Variants in NOL11 observed in about 807,000 individuals in gnomAD.
NOL11 encodes nucleolar protein 11.
Under a neutral mutation model 93.0 loss-of-function variants are expected in NOL11, and 42 were observed. The ratio of observed to expected loss-of-function variants is 0.45; its 90% confidence interval spans 0.35 to 0.58. The LOEUF is 0.58. Among genes scored for constraint, NOL11 ranks in the 20% least tolerant of loss-of-function variants. The pLI, the probability that NOL11 is intolerant of heterozygous loss-of-function variation, is 0.00. For missense variants in NOL11, 775 were observed against 841.8 expected, an observed-to-expected ratio of 0.92 and a Z score of 0.98; for synonymous variants, 296 against 293.7, an observed-to-expected ratio of 1.01 and a Z score of -0.08.
At chr17:67,721,242 C>A in intron 3 of NOL11, 136 bp from the exon 4 acceptor site, 1 of 535,726 alleles carries the variant, frequency 1.9e-6, no homozygotes, top group Non-Finnish European at 3.1e-6. Context: ...GATTTTGGAA[C>A]CATACATAAT....
At chr17:67,726,770 A>G in intron 7 of NOL11, 122 bp downstream of exon 7, 1 of 728,136 alleles carries the variant, frequency 1.4e-6, no homozygotes, top group Non-Finnish European at 2.0e-6. Context: ...TTATCAGCAT[A>G]CTCAATTTTT....
At chr17:67,733,596 A>G (rs1281719970) in intron 7 of NOL11, among the ~76,000 whole-genome samples, 2 of 152,140 alleles carry the variant, frequency 1.3e-5, no homozygotes, top group Non-Finnish European at 1.5e-5. Context: ...TTAGTCTTTC[A>G]CTGTTGAGTG....
intron 5 of NOL11, among the ~76,000 whole-genome samples, 168 bp from the exon 6 acceptor site, chr17:67,723,881 G>A (rs1465701350): frequency 6.6e-6 from 1 of 152,108 alleles, no homozygotes; most frequent in Non-Finnish European, 1.5e-5. Context: ...AGCCCAGCCT[G>A]GGCCACAGAG....
chr17:67,717,979 C>G lies in NOL11; in HGVS notation c.32C>G (p.Ser11Cys). MAALEEEFTL[S>C]SVVLSAGPEG... Reference sequence around the variant, plus strand: ...GCGCTGGAGGAAGAATTCACGTTGTCTTCGGTAGTCCTGAGCGCCGGGCCT... The same window carrying G: ...GCGCTGGAGGAAGAATTCACGTTGTGTTCGGTAGTCCTGAGCGCCGGGCCT... Residue 11 changes from serine to cysteine, a missense_variant, in exon 1 of 18, where the codon TCT (serine) becomes TGT (cysteine). Transcript: ENST00000253247. The G allele has an allele frequency of 1.2e-6, 2 of 1,614,230 alleles. No individual in the cohort carries two copies. The highest frequency in any genetic ancestry group is 1.3e-5 in the African/African-American group (1 of 75,052).
intron 7 of NOL11, among the ~76,000 whole-genome samples, chr17:67,729,050 A>C (rs550874503): frequency 2.7e-5 from 4 of 150,930 alleles, no homozygotes; most frequent in Admixed American, 2.6e-4. Context: ...TGAAGGAGTC[A>C]CTGGTGTTCG....
chr17:67,720,092 T>A lies in NOL11; in HGVS notation c.312+130T>A, dbSNP rs1599033689. ...CATAAGGTCCTAATCAGGTTTTCAT[T>A]CTAATTATCTTACAATGTATCTTGG... On this transcript the variant is annotated intron_variant, in intron 3 of 17. Transcript: ENST00000253247. The A allele has an allele frequency of 5.2e-6, 4 of 763,574 alleles. No individual in the cohort carries two copies. The East Asian group carries it at 1.3e-4, about 25-fold the overall frequency. 47.3% of individuals were successfully genotyped at this position (763,574 alleles called of 1,614,324 possible).
intron 10 of NOL11, 41 bp from the exon 11 acceptor site, chr17:67,737,030 T>A: frequency 8.0e-7 from 1 of 1,254,758 alleles, no homozygotes; most frequent in Non-Finnish European, 1.2e-6. Flanking sequence ...ATTGGATCTC[T>A]TATATTGTTT....
chr17:67,732,263 C>T (rs1254421252), intron 7 of NOL11, among the ~76,000 whole-genome samples: 1 of 152,068 alleles, frequency 6.6e-6, no homozygotes, highest in African/African-American at 2.4e-5. Flanking sequence ...GGCCGGATCA[C>T]CCAAGGTCAG....
intron 7 of NOL11, among the ~76,000 whole-genome samples, chr17:67,729,715 A>G (rs1395071152): frequency 1.3e-5 from 2 of 151,416 alleles, no homozygotes; most frequent in Non-Finnish European, 2.9e-5. Context: ...AGTAGCTGGG[A>G]ATACAGGCGC....
At chr17:67,731,012 T>A (rs958329578) in intron 7 of NOL11, among the ~76,000 whole-genome samples, 1 of 152,234 alleles carries the variant, frequency 6.6e-6, no homozygotes, top group African/African-American at 2.4e-5. Flanking sequence ...TGCATTTCCC[T>A]AATGACTAAG....
At chr17:67,726,739 AC>A in intron 7 of NOL11, 91 bp downstream of exon 7, 1 of 923,176 alleles carries the variant, frequency 1.1e-6, no homozygotes, top group Non-Finnish European at 1.5e-6. Flanking sequence ...TTTCGTTATT[AC>A]CCAGACTAAT....
intron 16 of NOL11, among the ~76,000 whole-genome samples, chr17:67,740,348 G>A (rs1018500787): frequency 6.6e-6 from 1 of 151,968 alleles, no homozygotes; most frequent in Non-Finnish European, 1.5e-5. Context: ...GGTGGCTCAT[G>A]CCTGTAATCC....
At chr17:67,728,887 G>GT (rs1238045904) in intron 7 of NOL11, among the ~76,000 whole-genome samples, 3 of 151,892 alleles carry the variant, frequency 2.0e-5, no homozygotes, top group Non-Finnish European at 4.4e-5. Flanking sequence ...CATCTATTCT[G>GT]TTTTTTTAAA....
At chr17:67,718,533 A>G (rs1450565479) in intron 1 of NOL11, among the ~76,000 whole-genome samples, 1 of 151,990 alleles carries the variant, frequency 6.6e-6, no homozygotes, top group African/African-American at 2.4e-5. Context: ...GGCGGGGACA[A>G]TTTTAGAGAG....
intron 7 of NOL11, among the ~76,000 whole-genome samples, chr17:67,731,953 C>G (rs1055009881): frequency 6.6e-6 from 1 of 152,058 alleles, no homozygotes; most frequent in South Asian, 2.1e-4. Context: ...TGTTTAGGCC[C>G]CTTACAATTA....
rs764898857 is a variant in NOL11 at position 67,734,400 on chromosome 17, A to G, written c.891A>G (p.Leu297=). ...TATGGAACATAAAATTTCAAACACT[A>G]CAGACTTCAAAAGAGTTACCACAAG... The part of the protein sequence containing the change: ...LSVWNIKFQT[L]QTSKELPQGT... The change falls in exon 8 of 18, where the codon CTA becomes CTG. Residue 297 remains leucine (L), a synonymous_variant. Coordinates refer to ENST00000253247, the MANE Select transcript of NOL11 (RefSeq NM_015462.5). The G allele has an allele frequency of 5.6e-6, 9 of 1,608,926 alleles. No homozygotes were observed. The highest frequency in any genetic ancestry group is 1.6e-4 in the Middle Eastern group (1 of 6,072).
chr17:67,723,981 G>GT, intron 5 of NOL11, 68 bp from the exon 6 acceptor site: 4 of 1,136,758 alleles, frequency 3.5e-6, no homozygotes, highest in Non-Finnish European at 5.0e-6. Flanking sequence ...ACAACTTCTG[G>GT]TTTTAACATA....
intron 7 of NOL11, among the ~76,000 whole-genome samples, chr17:67,728,448 AGG>A (rs1474903081): frequency 6.6e-6 from 1 of 152,142 alleles, no homozygotes; most frequent in Non-Finnish European, 1.5e-5. Context: ...CAACCCGAAC[AGG>A]TGAACTCTGT....
At chr17:67,726,380 A>G in intron 6 of NOL11, 80 bp from the exon 7 acceptor site, 1 of 1,163,846 alleles carries the variant, frequency 8.6e-7, no homozygotes, top group South Asian at 2.1e-5. Flanking sequence ...GTAAAATCTT[A>G]TAAACAACCT....
Sources: allele counts gnomAD v4.1 joint callset (sites outside exome capture counted in the v4.1 genomes callset), GRCh38; gene constraint gnomAD v4.1.1; transcripts MANE v1.5; gene names NCBI Gene and HGNC (gene_info 2026-07-23, HGNC 2026-07-21).